Variants in PTPN2 observed in about 807,000 individuals in gnomAD.
PTPN2 encodes the protein protein tyrosine phosphatase non-receptor type 2, also known as tyrosine-protein phosphatase non-receptor type 2.
In PTPN2, 19 loss-of-function variants were observed where a neutral mutation model predicts 57.3. The observed-to-expected ratio is 0.33, with a 90% CI of 0.23 to 0.49. The LOEUF (loss-of-function observed/expected upper bound fraction) is 0.49. Ranked by LOEUF, PTPN2 falls within the 20% of genes least tolerant of loss-of-function variation. PTPN2 has a pLI of 0.99. For synonymous variants in PTPN2, 153 were observed against 164.9 expected (o/e 0.93, Z 0.55); for missense variants, 358 against 501.1 (o/e 0.71, Z 2.73).
chr18:12,882,129 C>A (rs2044685922), intron 1 of PTPN2, among the ~76,000 whole-genome samples: 1 of 152,186 alleles, frequency 6.6e-6, no homozygotes, highest in East Asian at 1.9e-4. Flanking sequence ...TGTTCTAAGG[C>A]CACAGGAGAA....
rs756085499 is a variant in PTPN2 at position 12,884,081 on chromosome 18, G to C, written c.61C>G (p.Leu21Val). The change falls in exon 1 of 9, where the codon CTG becomes GTG. Residue 21 changes from leucine to valine, a missense_variant. This residue lies in a region of PTPN2 where 62 missense variants were observed against 47.9 expected (regional missense o/e 1.29). Transcript: ENST00000309660. The part of the protein sequence containing the change: ...ELDTQRRWQP[L>V]YLEIRNESHD... The stretch of plus-strand genomic sequence containing the variant: ...GTGGGTCCGCGACTCACCAAGTACA[G>C]CGGCTGCCAGCGACGCTGAGTATCC... 2 of 1,578,794 alleles carry C rather than the reference G, an allele frequency of 1.3e-6. No homozygotes were observed. The highest frequency in any genetic ancestry group is 2.3e-5 in the South Asian group (2 of 86,454).
intron 1 of PTPN2, among the ~76,000 whole-genome samples, chr18:12,875,833 A>T (rs2044468608): frequency 1.3e-5 from 2 of 152,234 alleles, no homozygotes; most frequent in Admixed American, 6.5e-5. Flanking sequence ...CTAAAAGAAC[A>T]GCAGGGGACT....
At chr18:12,853,542 T>C (rs2043467958) in intron 2 of PTPN2, among the ~76,000 whole-genome samples, 1 of 152,192 alleles carries the variant, frequency 6.6e-6, no homozygotes. Flanking sequence ...CCTCTGGACT[T>C]AGTGAACGAG....
chr18:12,800,567 T>C (rs1214890349), intron 8 of PTPN2, among the ~76,000 whole-genome samples: 1 of 152,142 alleles, frequency 6.6e-6, no homozygotes, highest in Non-Finnish European at 1.5e-5. Flanking sequence ...ACTCTTCCAC[T>C]ATAATATATA....
chr18:12,834,700 G>C (rs926078553), intron 3 of PTPN2, among the ~76,000 whole-genome samples: 5 of 151,534 alleles, frequency 3.3e-5, no homozygotes, highest in African/African-American at 1.2e-4. Flanking sequence ...TGGTCTTAAA[G>C]GGCTGTAGTG....
At chr18:12,834,991 T>C (rs2042803324) in intron 3 of PTPN2, among the ~76,000 whole-genome samples, 1 of 152,144 alleles carries the variant, frequency 6.6e-6, no homozygotes. Flanking sequence ...GGTGGCCCTG[T>C]AGAACCTGCA....
chr18:12,796,560 A>G (rs2145227732), intron 8 of PTPN2, among the ~76,000 whole-genome samples: 1 of 152,336 alleles, frequency 6.6e-6, no homozygotes, highest in South Asian at 2.1e-4. Flanking sequence ...GCTGCCACAG[A>G]AAACAGTTTG....
At chr18:12,838,838 A>G (rs1455338649) in intron 2 of PTPN2, among the ~76,000 whole-genome samples, 1 of 152,174 alleles carries the variant, frequency 6.6e-6, no homozygotes, top group Non-Finnish European at 1.5e-5. Context: ...AAATACCTAC[A>G]TCACTAGATA....
At chr18:12,881,843 C>T (rs1319991818) in intron 1 of PTPN2, among the ~76,000 whole-genome samples, 1 of 152,222 alleles carries the variant, frequency 6.6e-6, no homozygotes, top group Non-Finnish European at 1.5e-5. Flanking sequence ...ACGTTTTCAT[C>T]AGCTTACCTA....
chr18:12,797,793 C>T (rs957687077), intron 8 of PTPN2, among the ~76,000 whole-genome samples: 2 of 152,160 alleles, frequency 1.3e-5, no homozygotes, highest in Non-Finnish European at 2.9e-5. Flanking sequence ...GATCATGTGG[C>T]GTGATCATAG....
intron 5 of PTPN2, among the ~76,000 whole-genome samples, chr18:12,817,860 GC>G (rs1464665439): frequency 1.3e-5 from 2 of 152,156 alleles, no homozygotes; most frequent in Admixed American, 6.5e-5. Context: ...AAAAATTTCT[GC>G]CGGGTGCAAT....
chr18:12,868,644 A>C (rs1598881704), intron 1 of PTPN2, among the ~76,000 whole-genome samples: 2 of 150,794 alleles, frequency 1.3e-5, no homozygotes, highest in African/African-American at 4.8e-5. Context: ...TAAAAACTTC[A>C]AACTTCAGGC....
intron 1 of PTPN2, among the ~76,000 whole-genome samples, chr18:12,877,680 T>C (rs948160758): frequency 4.6e-5 from 7 of 152,186 alleles, no homozygotes; most frequent in African/African-American, 1.7e-4. Flanking sequence ...ATGGTAAAAA[T>C]TGTTCTCTAG....
chr18:12,810,733 G>A (rs78248757), intron 7 of PTPN2, among the ~76,000 whole-genome samples: 3,423 of 152,276 alleles, frequency 0.022, 120 homozygotes, highest in African/African-American at 0.079. Context: ...TGGAAAACAC[G>A]CAAAGCTTGA....
At chr18:12,873,699 C>T (rs1481144705) in intron 1 of PTPN2, among the ~76,000 whole-genome samples, 1 of 152,254 alleles carries the variant, frequency 6.6e-6, no homozygotes, top group Non-Finnish European at 1.5e-5. Flanking sequence ...CAGCCTCTGC[C>T]TGGCCGCCAC....
chr18:12,791,232 G>A (rs182912228), downstream of PTPN2, among the ~76,000 whole-genome samples: 152 of 152,234 alleles, frequency 1.0e-3, 4 homozygotes, highest in Non-Finnish European at 2.6e-4. Context: ...TAAACCAAAG[G>A]TTGCTGTCAA....
At chr18:12,842,117 G>A (rs1158532811) in intron 2 of PTPN2, among the ~76,000 whole-genome samples, 1 of 152,088 alleles carries the variant, frequency 6.6e-6, no homozygotes, top group East Asian at 1.9e-4. Flanking sequence ...TGTTGGTCAG[G>A]CTGGTCTTGA....
intron 8 of PTPN2, 74 bp downstream of exon 8, chr18:12,801,896 G>A (rs2041442087): frequency 3.0e-6 from 4 of 1,314,744 alleles, no homozygotes; most frequent in Non-Finnish European, 3.1e-6. Flanking sequence ...AAATCCTATG[G>A]CACCTGGTCC....
At chr18:12,850,832 C>T (rs541952049) in intron 2 of PTPN2, among the ~76,000 whole-genome samples, 2 of 152,128 alleles carry the variant, frequency 1.3e-5, no homozygotes, top group African/African-American at 4.8e-5. Context: ...CTCTGCCTCC[C>T]GGATTCAAGC....
Sources: gnomAD v4.1 joint callset for allele counts (sites outside exome capture counted in the v4.1 genomes callset) on GRCh38, gnomAD v4.1.1 for gene constraint, gnomAD v4.1.1 regional missense constraint, MANE v1.5 for transcripts, NCBI Gene and HGNC (gene_info 2026-07-23, HGNC 2026-07-21) for gene names.